The following PHF21A variants were observed in gnomAD, a reference collection of about 807,000 sequenced individuals.
PHF21A encodes BHC80a.
In PHF21A, 11 loss-of-function variants were observed where a neutral mutation model predicts 82.5. That is an observed-to-expected ratio of 0.13 (90% CI 0.08 to 0.22). PHF21A has a LOEUF of 0.22. PHF21A is among the 10% of genes least tolerant of loss of function. PHF21A has a pLI of 1.00. For missense variants in PHF21A, 579 were observed against 837.8 expected, an observed-to-expected ratio of 0.69 and a Z score of 3.81; for synonymous variants, 297 against 302.8, an observed-to-expected ratio of 0.98 and a Z score of 0.20.
At chr11:46,006,546 A>G (rs2095300312) in intron 6 of PHF21A, among the ~76,000 whole-genome samples, 1 of 152,156 alleles carries the variant, frequency 6.6e-6, no homozygotes, top group Non-Finnish European at 1.5e-5. Context: ...TAAAGATACT[A>G]AAATCAGTTC....
chr11:45,997,062 A>C (rs1433375889), intron 6 of PHF21A, among the ~76,000 whole-genome samples: 2 of 152,234 alleles, frequency 1.3e-5, no homozygotes, highest in Non-Finnish European at 2.9e-5. Context: ...ACTATCACAA[A>C]ATCTTGGTTT....
At chr11:45,962,298 G>T (rs551562703) in intron 10 of PHF21A, among the ~76,000 whole-genome samples, 3 of 45,690 alleles carry the variant, frequency 6.6e-5, no homozygotes, top group East Asian at 3.7e-3. Context: ...CGTTGGATAC[G>T]GGTTTGGTAA....
At position 45,934,259 on chromosome 11, in the gene PHF21A, C is replaced by T. The variant is rs373411765; in HGVS notation, c.1789-34G>A. Reference sequence around the variant, plus strand: ...AATGACAAGGGCAGTGGCACTGAGCCGCCTGGTTTCTAACAGGCCTGGCAG... The same window carrying T: ...AATGACAAGGGCAGTGGCACTGAGCTGCCTGGTTTCTAACAGGCCTGGCAG... On this transcript the variant is annotated intron_variant, in intron 18 of 18. Coordinates refer to ENST00000676320, the MANE Select transcript of PHF21A (RefSeq NM_001352027.3). 2.9e-5 allele frequency: 47 copies of T among 1,593,952 alleles called. No homozygotes were observed. The East Asian group carries it at 4.5e-4, about 15-fold the overall frequency.
intron 6 of PHF21A, among the ~76,000 whole-genome samples, chr11:45,995,923 A>G (rs1004459863): frequency 6.6e-6 from 1 of 152,136 alleles, no homozygotes; most frequent in Non-Finnish European, 1.5e-5. Context: ...TTTTCAGTAT[A>G]TGGCTTTTTT....
intron 1 of PHF21A, among the ~76,000 whole-genome samples, chr11:46,110,540 T>G (rs1445381416): frequency 1.4e-5 from 2 of 140,522 alleles, no homozygotes; most frequent in Non-Finnish European, 3.1e-5. Flanking sequence ...GGAATGAGAA[T>G]TCCTACAAAC....
intron 8 of PHF21A, chr11:45,970,386 C>T (rs1351379498): frequency 6.3e-6 from 1 of 159,494 alleles, no homozygotes; most frequent in Non-Finnish European, 1.4e-5. Context: ...TGAACCTTCA[C>T]TTTATTGCTC....
At chr11:46,046,193 A>G (rs1186314267) in intron 6 of PHF21A, among the ~76,000 whole-genome samples, 1 of 152,076 alleles carries the variant, frequency 6.6e-6, no homozygotes, top group Non-Finnish European at 1.5e-5. Context: ...CACTCAATTC[A>G]CACACATCAG....
chr11:46,003,356 G>A (rs541212761), intron 6 of PHF21A, among the ~76,000 whole-genome samples: 2 of 151,562 alleles, frequency 1.3e-5, no homozygotes, highest in African/African-American at 4.8e-5. Flanking sequence ...ACTCTCTTCG[G>A]TGTTAATACT....
At chr11:45,935,597 A>C in intron 18 of PHF21A, 39 bp downstream of exon 18, 1 of 970,646 alleles carries the variant, frequency 1.0e-6, no homozygotes, top group Non-Finnish European at 1.7e-6. Flanking sequence ...AGGTCTCTGC[A>C]CCTATGTATC....
At chr11:46,077,792 C>T (rs1013521806) in intron 5 of PHF21A, among the ~76,000 whole-genome samples, 6 of 152,164 alleles carry the variant, frequency 3.9e-5, no homozygotes, top group South Asian at 4.1e-4. Flanking sequence ...CCAACTATAA[C>T]AGAAATGATA....
intron 6 of PHF21A, among the ~76,000 whole-genome samples, chr11:46,016,119 C>T (rs146265929): frequency 6.6e-6 from 1 of 152,224 alleles, no homozygotes; most frequent in East Asian, 1.9e-4. Context: ...TATTACGCTA[C>T]CAAGTAGTTA....
intron 6 of PHF21A, among the ~76,000 whole-genome samples, chr11:45,982,786 T>TA (rs2094350361): frequency 6.6e-6 from 1 of 151,014 alleles, no homozygotes; most frequent in East Asian, 2.0e-4. Flanking sequence ...AAAACAACAA[T>TA]AAAAAACCCA....
chr11:46,100,930 A>G (rs1292396884), intron 1 of PHF21A, among the ~76,000 whole-genome samples: 3 of 152,176 alleles, frequency 2.0e-5, no homozygotes, highest in South Asian at 2.1e-4. Flanking sequence ...TTGACAAACC[A>G]TTTTATAAGT....
rs138064031 is a variant in PHF21A, at chr11:46,084,972, G to A, written c.-83-670C>T. On this transcript the variant is annotated intron_variant, in intron 3 of 18. Coordinates refer to ENST00000676320, the MANE Select transcript of PHF21A (RefSeq NM_001352027.3). Reference sequence around the variant, plus strand: ...TGGGATTACAGGCGTGAGCCACTGCGCTGAGCCAAAATCATACATTTTTAA... The same window carrying A: ...TGGGATTACAGGCGTGAGCCACTGCACTGAGCCAAAATCATACATTTTTAA... Among the ~76,000 whole-genome samples, 784 of 152,016 alleles carry A rather than the reference G, an allele frequency of 5.2e-3. 2 individuals carry two copies. Among genetic ancestry groups the A allele is most frequent in the Non-Finnish European group, 9.5e-3 (646 of 67,976 alleles).
chr11:46,013,579 T>C (rs572295752), intron 6 of PHF21A, among the ~76,000 whole-genome samples: 61 of 152,340 alleles, frequency 4.0e-4, no homozygotes, highest in Middle Eastern at 3.4e-3. Context: ...GACACAGTCA[T>C]GTGTTGCTTA....
chr11:46,063,372 C>G lies in PHF21A; in HGVS notation c.153+13382G>C, dbSNP rs566972888. 8.5e-5 allele frequency among the ~76,000 whole-genome samples: 13 copies of G among 152,252 alleles called. No homozygotes were observed. In the South Asian group the frequency reaches 2.5e-3, roughly 29 times the overall value. Reference sequence around the variant, plus strand: ...ATTTCTCTAGAGTAAGATTGGCAAACTTTCTAAAAATAACCAGATAGTAAC... The same window carrying G: ...ATTTCTCTAGAGTAAGATTGGCAAAGTTTCTAAAAATAACCAGATAGTAAC... On this transcript the variant is annotated intron_variant, in intron 6 of 18. Coordinates refer to ENST00000676320, the MANE Select transcript of PHF21A (RefSeq NM_001352027.3).
intron 1 of PHF21A, among the ~76,000 whole-genome samples, chr11:46,108,006 G>A (rs764390461): frequency 3.3e-5 from 5 of 152,126 alleles, no homozygotes; most frequent in East Asian, 1.9e-4. Flanking sequence ...GTATCTTTAC[G>A]CTGATTAAGC....
chr11:46,108,567 G>GTGTATATATA (rs1555199216), intron 1 of PHF21A, among the ~76,000 whole-genome samples: 3 of 62,200 alleles, frequency 4.8e-5, no homozygotes, highest in African/African-American at 1.0e-4. Context: ...GTGTGTGTGT[G>GTGTATATATA]TATATATATA....
At chr11:46,011,627 T>TA (rs1418604736) in intron 6 of PHF21A, among the ~76,000 whole-genome samples, 7 of 152,254 alleles carry the variant, frequency 4.6e-5, no homozygotes, top group Admixed American at 3.9e-4. Flanking sequence ...TTTTCATTTC[T>TA]AAATTCAAGA....
Sources: allele counts gnomAD v4.1 joint callset (sites outside exome capture counted in the v4.1 genomes callset), GRCh38; gene constraint gnomAD v4.1.1; transcripts MANE v1.5; gene names NCBI Gene and HGNC (gene_info 2026-07-23, HGNC 2026-07-21).